The following PHF24 variants were observed in gnomAD, a reference collection of about 807,000 sequenced individuals.
PHF24 encodes PHD finger protein 24, also known as Galpha inhibitory interacting protein.
In PHF24, 25 loss-of-function variants were observed where a neutral mutation model predicts 42.6. The observed-to-expected ratio is 0.59, with a 90% CI of 0.43 to 0.82. The LOEUF is 0.82. Among genes scored for constraint, PHF24 ranks in the 40% least tolerant of loss-of-function variants. The pLI is 0.00. For missense variants in PHF24, 470 were observed against 538.1 expected, an observed-to-expected ratio of 0.87 and a Z score of 1.25; for synonymous variants, 185 against 204.8, an observed-to-expected ratio of 0.90 and a Z score of 0.83.
intron 2 of PHF24, 104 bp downstream of exon 2, chr9:34,971,780 G>A: frequency 7.6e-7 from 1 of 1,315,308 alleles, no homozygotes; most frequent in Non-Finnish European, 1.0e-6. Flanking sequence ...GAAAAATGGA[G>A]CTGAGTCCAA....
chr9:34,680,879 C>T, the PHF24 span: 2 of 152,084 alleles, frequency 1.3e-5, no homozygotes, highest in African/African-American at 2.4e-5. Context: ...TTTCTTTTAT[C>T]CTCCTTTATT....
At chr9:34,782,194 C>A in the PHF24 span, among the ~76,000 whole-genome samples, 36 of 152,194 alleles carry the variant, frequency 2.4e-4, no homozygotes, top group East Asian at 6.2e-3. Flanking sequence ...ATCACAGAGG[C>A]AGTTAGCAAA....
At chr9:34,977,951 C>T in intron 7 of PHF24, 64 bp from the exon 8 acceptor site, 1 of 1,287,338 alleles carries the variant, frequency 7.8e-7, no homozygotes, top group Non-Finnish European at 1.1e-6. Context: ...CATGCTGCCC[C>T]TGGGATCAGG....
At chr9:34,746,594 T>G in the PHF24 span, among the ~76,000 whole-genome samples, 1 of 152,186 alleles carries the variant, frequency 6.6e-6, no homozygotes, top group Admixed American at 6.5e-5. Context: ...TTGATAATAT[T>G]AAACATTCAT....
the PHF24 span, chr9:34,727,013 T>C: frequency 6.5e-7 from 1 of 1,537,842 alleles, no homozygotes; most frequent in Non-Finnish European, 8.8e-7. Flanking sequence ...ACGGCAAAAT[T>C]AACGATGGAG....
chr9:34,680,313 T>A, the PHF24 span, among the ~76,000 whole-genome samples: 1 of 151,880 alleles, frequency 6.6e-6, no homozygotes, highest in Non-Finnish European at 1.5e-5. Flanking sequence ...AGGCGGAGGT[T>A]GCAGTGAGCC....
chr9:34,895,450 G>T, the PHF24 span: 1 of 397,304 alleles, frequency 2.5e-6, no homozygotes, highest in Non-Finnish European at 4.4e-6. Context: ...CACCCAAATT[G>T]GGAGCTCTTC....
At chr9:34,916,416 A>G in the PHF24 span, among the ~76,000 whole-genome samples, 6 of 152,218 alleles carry the variant, frequency 3.9e-5, no homozygotes, top group Admixed American at 1.3e-4. Context: ...ATGGAGTTAT[A>G]GAAAAAATAG....
chr9:34,703,268 A>G, the PHF24 span, among the ~76,000 whole-genome samples: 2 of 151,892 alleles, frequency 1.3e-5, no homozygotes, highest in African/African-American at 4.8e-5. Flanking sequence ...TCCTGGGTTC[A>G]AGCAATTCTC....
the PHF24 span, among the ~76,000 whole-genome samples, chr9:34,934,463 T>A: frequency 1.3e-5 from 2 of 152,164 alleles, no homozygotes; most frequent in Non-Finnish European, 2.9e-5. Flanking sequence ...TCCCTCTTCC[T>A]CTGACCCTGC....
At chr9:34,707,931 C>T in the PHF24 span, among the ~76,000 whole-genome samples, 1 of 152,120 alleles carries the variant, frequency 6.6e-6, no homozygotes, top group Non-Finnish European at 1.5e-5. Flanking sequence ...GGGGTTTCAC[C>T]ATGTTGGCCA....
the PHF24 span, among the ~76,000 whole-genome samples, chr9:34,854,212 CAAAA>C: frequency 4.3e-5 from 3 of 69,532 alleles, no homozygotes; most frequent in African/African-American, 1.4e-4. Context: ...TTTTTTTTTT[CAAAA>C]AAAATCAGCT....
chr9:34,867,867 T>C, the PHF24 span, among the ~76,000 whole-genome samples: 3 of 152,062 alleles, frequency 2.0e-5, no homozygotes, highest in East Asian at 1.9e-4. Flanking sequence ...CACCTGTAAG[T>C]GTAGATACTG....
At chr9:34,875,368 G>A in the PHF24 span, among the ~76,000 whole-genome samples, 1 of 152,050 alleles carries the variant, frequency 6.6e-6, no homozygotes, top group Non-Finnish European at 1.5e-5. Flanking sequence ...ATGATCCTAA[G>A]GCTGTATTTT....
chr9:34,715,920 G>T, the PHF24 span, among the ~76,000 whole-genome samples: 2 of 152,230 alleles, frequency 1.3e-5, no homozygotes, highest in Non-Finnish European at 2.9e-5. Context: ...CTTGCCTGGT[G>T]GGGTTTCCAG....
the PHF24 span, among the ~76,000 whole-genome samples, chr9:34,699,260 A>C: frequency 6.6e-6 from 1 of 152,216 alleles, no homozygotes; most frequent in Non-Finnish European, 1.5e-5. Flanking sequence ...TGTTCTCTAC[A>C]AACAGTTAAC....
the PHF24 span, among the ~76,000 whole-genome samples, chr9:34,877,655 A>AT: frequency 2.0e-5 from 3 of 152,054 alleles, no homozygotes; most frequent in African/African-American, 4.8e-5. Flanking sequence ...TTTTACCATA[A>AT]TTTTTTTTAA....
chr9:34,872,378 C>T, the PHF24 span, among the ~76,000 whole-genome samples: 4 of 125,206 alleles, frequency 3.2e-5, no homozygotes, highest in Admixed American at 2.7e-4. Flanking sequence ...CACAACAGTC[C>T]CCAGAGTGTG....
At chr9:34,925,763 C>CT in the PHF24 span, among the ~76,000 whole-genome samples, 1 of 151,896 alleles carries the variant, frequency 6.6e-6, no homozygotes, top group Non-Finnish European at 1.5e-5. Context: ...ATTTTGAATT[C>CT]TTTTTTCTGG....
Sources: gnomAD v4.1 joint callset for allele counts (sites outside exome capture counted in the v4.1 genomes callset) on GRCh38, gnomAD v4.1.1 for gene constraint, MANE v1.5 for transcripts, NCBI Gene and HGNC (gene_info 2026-07-23, HGNC 2026-07-21) for gene names.